The following CMTM8 variants were observed in gnomAD, a reference collection of about 807,000 sequenced individuals.
CMTM8 encodes CKLF-like MARVEL transmembrane domain-containing protein 8.
CMTM8 carries 12 observed loss-of-function variants against 18.6 expected under a neutral mutation model. That is an observed-to-expected ratio of 0.65 (90% confidence interval 0.41 to 1.05). The LOEUF is 1.05. CMTM8 is among the 50% of genes least tolerant of loss of function. The pLI, the probability that CMTM8 is intolerant of heterozygous loss-of-function variation, is 0.00. For synonymous variants in CMTM8, 87 were observed against 90.6 expected (o/e 0.96, Z 0.23); for missense variants, 217 against 227.2 (o/e 0.95, Z 0.29).
intron 1 of CMTM8, among the ~76,000 whole-genome samples, chr3:32,342,381 C>T (rs1033700567): frequency 5.9e-5 from 9 of 152,140 alleles, no homozygotes; most frequent in South Asian, 2.1e-4. Flanking sequence ...CATAGGTCCT[C>T]GATAAATATT....
intron 2 of CMTM8, among the ~76,000 whole-genome samples, chr3:32,366,651 A>C (rs915792405): frequency 7.2e-5 from 11 of 152,366 alleles, no homozygotes; most frequent in African/African-American, 2.6e-4. Context: ...GCAAGACAAG[A>C]CTAAATGGCT....
At chr3:32,301,372 A>G (rs1695614484) in intron 1 of CMTM8, among the ~76,000 whole-genome samples, 1 of 151,764 alleles carries the variant, frequency 6.6e-6, no homozygotes, top group Non-Finnish European at 1.5e-5. Flanking sequence ...TGACAGCTGT[A>G]TATATATATA....
intron 1 of CMTM8, among the ~76,000 whole-genome samples, chr3:32,249,454 AT>A (rs1229460943): frequency 6.6e-6 from 1 of 150,408 alleles, no homozygotes; most frequent in Non-Finnish European, 1.5e-5. Context: ...AAAAAAAAAA[AT>A]TGAAGCACTG....
chr3:32,342,482 T>C (rs1475908968), intron 1 of CMTM8, among the ~76,000 whole-genome samples: 2 of 152,322 alleles, frequency 1.3e-5, no homozygotes, highest in East Asian at 1.9e-4. Context: ...GCCTTGATTA[T>C]ACCATTTAAC....
Position 32,329,965 on chromosome 3 carries a change from C to CA in CMTM8, c.148-27402dup, listed in dbSNP as rs1320002920. 4.6e-5 allele frequency among the ~76,000 whole-genome samples: 7 copies of CA among 151,582 alleles called. No homozygotes were observed. In the East Asian group the frequency reaches 1.2e-3, roughly 25 times the overall value. ...TTTCTCTGCACTAACAATGAGCAAT[C>CA]AAAAAAGGAAGTTAAGAAAATTCTA... On this transcript the variant is annotated intron_variant, in intron 1 of 3. Coordinates refer to ENST00000307526, the MANE Select transcript of CMTM8 (RefSeq NM_178868.5).
At chr3:32,304,364 G>A (rs1300658980) in intron 1 of CMTM8, among the ~76,000 whole-genome samples, 1 of 152,172 alleles carries the variant, frequency 6.6e-6, no homozygotes, top group Non-Finnish European at 1.5e-5. Flanking sequence ...AACATCCACT[G>A]ATGTTCTTCT....
intron 1 of CMTM8, among the ~76,000 whole-genome samples, chr3:32,299,525 G>T (rs1399126325): frequency 6.6e-6 from 1 of 152,068 alleles, no homozygotes; most frequent in Non-Finnish European, 1.5e-5. Flanking sequence ...TATGTACCTG[G>T]GGTACATGAG....
At chr3:32,359,841 G>T (rs373554005) in intron 2 of CMTM8, among the ~76,000 whole-genome samples, 1 of 152,256 alleles carries the variant, frequency 6.6e-6, no homozygotes, top group African/African-American at 2.4e-5. Flanking sequence ...TTATCGTAAG[G>T]TGTGTCCCCA....
intron 1 of CMTM8, among the ~76,000 whole-genome samples, chr3:32,297,681 T>A (rs1695502781): frequency 6.6e-6 from 1 of 151,996 alleles, no homozygotes; most frequent in South Asian, 2.1e-4. Flanking sequence ...TGCAAAACAT[T>A]GATGGTGAAA....
intron 1 of CMTM8, among the ~76,000 whole-genome samples, chr3:32,283,993 G>A (rs1367263056): frequency 6.6e-6 from 1 of 152,228 alleles, no homozygotes; most frequent in Non-Finnish European, 1.5e-5. Flanking sequence ...CCTCACGCCT[G>A]TAATTCCAGC....
At chr3:32,288,492 A>G (rs953548592) in intron 1 of CMTM8, among the ~76,000 whole-genome samples, 6 of 131,862 alleles carry the variant, frequency 4.6e-5, no homozygotes, top group African/African-American at 1.7e-4. Flanking sequence ...TGTGTTGAGT[A>G]GGCTATACAG....
At chr3:32,242,836 A>G (rs1278807965) in intron 1 of CMTM8, among the ~76,000 whole-genome samples, 1 of 151,854 alleles carries the variant, frequency 6.6e-6, no homozygotes, top group Non-Finnish European at 1.5e-5. Flanking sequence ...ATTTTTACAA[A>G]GGTATTTTAG....
intron 1 of CMTM8, among the ~76,000 whole-genome samples, chr3:32,330,510 T>C (rs1696253563): frequency 6.6e-6 from 1 of 152,082 alleles, no homozygotes; most frequent in African/African-American, 2.4e-5. Flanking sequence ...GTTTTATATG[T>C]ATATAAAACA....
At chr3:32,302,047 C>T (rs1304478090) in intron 1 of CMTM8, among the ~76,000 whole-genome samples, 4 of 149,136 alleles carry the variant, frequency 2.7e-5, no homozygotes, top group African/African-American at 7.4e-5. Context: ...ATAAGAATAG[C>T]ATAGGCCAGA....
chr3:32,286,710 A>C (rs757544065), intron 1 of CMTM8, among the ~76,000 whole-genome samples: 3 of 152,220 alleles, frequency 2.0e-5, no homozygotes, highest in Non-Finnish European at 4.4e-5. Flanking sequence ...TGAAAGAAGA[A>C]GAATTGTCTT....
intron 1 of CMTM8, among the ~76,000 whole-genome samples, chr3:32,273,676 G>A (rs181822167): frequency 1.4e-4 from 22 of 152,288 alleles, no homozygotes; most frequent in Non-Finnish European, 3.1e-4. Context: ...GCGTTAGTGC[G>A]TGCTGGGAGA....
At chr3:32,301,742 AAAAG>A (rs539084172) in intron 1 of CMTM8, among the ~76,000 whole-genome samples, 350 of 152,200 alleles carry the variant, frequency 2.3e-3, no homozygotes, top group Non-Finnish European at 3.8e-3. Context: ...CAAAAAAAAA[AAAAG>A]AAAGAAAAAT....
At chr3:32,251,000 G>C (rs534807285) in intron 1 of CMTM8, among the ~76,000 whole-genome samples, 1 of 152,100 alleles carries the variant, frequency 6.6e-6, no homozygotes, top group Non-Finnish European at 1.5e-5. Flanking sequence ...AAGGCTTTTG[G>C]TGTTGCTGCC....
intron 1 of CMTM8, among the ~76,000 whole-genome samples, chr3:32,321,165 TG>T (rs984936853): frequency 6.6e-5 from 10 of 151,108 alleles, no homozygotes; most frequent in African/African-American, 2.2e-4. Context: ...TGTGCTTTCC[TG>T]GGGTGAAGCG....
Sources: allele counts gnomAD v4.1 joint callset (sites outside exome capture counted in the v4.1 genomes callset), GRCh38; gene constraint gnomAD v4.1.1; transcripts MANE v1.5; gene names NCBI Gene and HGNC (gene_info 2026-07-23, HGNC 2026-07-21).